VPS13A: variants seen among roughly 807,000 people sequenced by gnomAD.
VPS13A encodes the protein intermembrane lipid transfer protein VPS13A.
VPS13A carries 264 observed loss-of-function variants against 390.9 expected under a neutral mutation model. The ratio of observed to expected loss-of-function variants is 0.68; its 90% confidence interval spans 0.61 to 0.75. VPS13A has a LOEUF of 0.75. VPS13A is among the 30% of genes least tolerant of loss of function. The pLI is 0.00. For missense variants in VPS13A, 3,409 were observed against 3,733.9 expected, an observed-to-expected ratio of 0.91 and a Z score of 2.27; for synonymous variants, 1,231 against 1,227.1, an observed-to-expected ratio of 1.00 and a Z score of -0.07.
rs369933972 is a variant in VPS13A, at chr9:77,314,042, C to T, written c.4165C>T (p.Leu1389=). The T allele has an allele frequency of 1.2e-6, 2 of 1,613,216 alleles. No individual in the cohort carries two copies. Among genetic ancestry groups the T allele is most frequent in the Non-Finnish European group, 1.7e-6 (2 of 1,179,588 alleles). The part of the protein sequence containing the change: ...AVVEVHSRAL[L]VKTTLNISFK... Reference sequence around the variant, plus strand: ...GGTAGAAGTACATTCACGTGCCTTACTAGTTAAGACAACACTAAACATAAG... The same window carrying T: ...GGTAGAAGTACATTCACGTGCCTTATTAGTTAAGACAACACTAAACATAAG... Residue 1389 remains leucine, a synonymous_variant, in exon 36 of 72, where the codon CTA becomes TTA. Coordinates refer to ENST00000360280, the MANE Select transcript of VPS13A (RefSeq NM_033305.3).
chr9:77,332,183 G>A (rs1830311453), intron 46 of VPS13A, 70 bp downstream of exon 46: 2 of 1,231,118 alleles, frequency 1.6e-6, no homozygotes, highest in Non-Finnish European at 2.4e-6. Context: ...ATTTCACATG[G>A]ATAACTTTGA....
Position 77,293,342 on chromosome 9 carries a change from CT to C in VPS13A, c.3342del (p.Val1115PhefsTer28). The C allele has an allele frequency of 1.2e-6, 2 of 1,610,056 alleles. No homozygotes were observed. Reference protein sequence around the residue: ...DSDITAIYKKAVYITGKEVFS... With the variant: ...DSDITAIYKKXVYITGKEVFS... ...ATAATTAAATTTTCTCTTATTAAGG[CT>C]GTTTATATCACTGGAAAAGAAGTTT... is the stretch of plus-strand genomic sequence containing the variant. On this transcript the variant is annotated frameshift_variant and splice_region_variant, in exon 32 of 72. Transcript: ENST00000360280. LOFTEE classifies it high-confidence loss of function.
intron 52 of VPS13A, among the ~76,000 whole-genome samples, chr9:77,350,595 C>T (rs541131308): frequency 6.6e-6 from 1 of 152,148 alleles, no homozygotes; most frequent in African/African-American, 2.4e-5. Context: ...GGTATTGTGC[C>T]ATTGTTTTTT....
At chr9:77,349,409 A>G (rs1831333881) in intron 52 of VPS13A, among the ~76,000 whole-genome samples, 1 of 152,118 alleles carries the variant, frequency 6.6e-6, no homozygotes, top group Admixed American at 6.5e-5. Context: ...TACCCAGGTA[A>G]TAAGCATGAT....
chr9:77,370,858 A>G (rs1258187226), intron 65 of VPS13A, 32 bp from the exon 66 acceptor site: 1 of 1,611,906 alleles, frequency 6.2e-7, no homozygotes, highest in Admixed American at 1.7e-5. Context: ...ATAAAAAAGT[A>G]TTGTAAATTT....
Position 77,360,572 on chromosome 9 carries a change from G to A in VPS13A, c.8142G>A (p.Arg2714=). 1 of 1,612,986 alleles carries A rather than the reference G, an allele frequency of 6.2e-7. No individual in the cohort carries two copies. Among genetic ancestry groups the A allele is most frequent in the Non-Finnish European group, 8.5e-7 (1 of 1,179,392 alleles). ...FKVLIQEMDL[R]LDLGFIYALT... is the part of the protein sequence containing the mutation. The stretch of plus-strand genomic sequence containing the variant: ...TATTGATTCAAGAAATGGATCTCAG[G>A]TTAGATCTTGGGTTTATCTATGCTT... Residue 2714 remains arginine, a synonymous_variant, in exon 59 of 72, where the codon AGG becomes AGA. Coordinates refer to ENST00000360280, the MANE Select transcript of VPS13A (RefSeq NM_033305.3).
At chr9:77,196,263 A>G (rs1421078249) in intron 1 of VPS13A, among the ~76,000 whole-genome samples, 1 of 152,194 alleles carries the variant, frequency 6.6e-6, no homozygotes, top group Non-Finnish European at 1.5e-5. Flanking sequence ...ACATGTATAC[A>G]TTGTATAAAA....
At chr9:77,201,895 A>G (rs1441468004) in intron 3 of VPS13A, among the ~76,000 whole-genome samples, 1 of 152,104 alleles carries the variant, frequency 6.6e-6, no homozygotes. Flanking sequence ...TACTGTTTAT[A>G]TCTTAAATAT....
At chr9:77,291,100 G>C (rs1045586069) in intron 31 of VPS13A, among the ~76,000 whole-genome samples, 1 of 152,174 alleles carries the variant, frequency 6.6e-6, no homozygotes, top group Admixed American at 6.5e-5. Flanking sequence ...CCGGACAGCA[G>C]GAGTTGAGTG....
chr9:77,344,152 G>A lies in VPS13A; in HGVS notation c.7027-1G>A, dbSNP rs764591495. The stretch of plus-strand genomic sequence containing the variant: ...ATAAACATATATAATGTATATTTTA[G>A]TGTATCCCCTTTTGGCCTGAGTATG... On this transcript the variant is annotated splice_acceptor_variant, in intron 50 of 71. Coordinates refer to ENST00000360280, the MANE Select transcript of VPS13A (RefSeq NM_033305.3). LOFTEE classifies it high-confidence loss of function. 5.7e-6 allele frequency: 9 copies of A among 1,587,228 alleles called. No homozygotes were observed. The highest frequency in any genetic ancestry group is 7.8e-6 in the Non-Finnish European group (9 of 1,156,352).
chr9:77,415,530 A>T (rs1222845645), intron 71 of VPS13A, among the ~76,000 whole-genome samples: 3 of 152,172 alleles, frequency 2.0e-5, no homozygotes, highest in Admixed American at 1.3e-4. Context: ...TAGAAAATAT[A>T]TTGTGAGAGC....
At position 77,375,321 on chromosome 9, in the gene VPS13A, A is replaced by C. The variant is rs111929787; in HGVS notation, c.9077+4172A>C. ...CTGAAAGTAAAAGGAGGAATGGGTT[A>C]CAAGATTCAAAGATAAAAATATAAA... is the stretch of plus-strand genomic sequence containing the variant. On this transcript the variant is annotated intron_variant, in intron 67 of 71. Coordinates refer to ENST00000360280, the MANE Select transcript of VPS13A (RefSeq NM_033305.3). 8.1e-4 allele frequency among the ~76,000 whole-genome samples: 124 copies of C among 152,332 alleles called. 3 individuals are homozygous for C. Among genetic ancestry groups the C allele is most frequent in the Non-Finnish European group, 1.7e-3 (114 of 68,018 alleles).
At position 77,408,824 on chromosome 9, in the gene VPS13A, C is replaced by G. The variant is rs1287535960; in HGVS notation, c.9474+1217C>G. On this transcript the variant is annotated intron_variant, in intron 71 of 71. Coordinates refer to ENST00000360280, the MANE Select transcript of VPS13A (RefSeq NM_033305.3). Reference sequence around the variant, plus strand: ...AGCTCGAACTGGGTGGAGCCCACCACAGCTCAAGGAGGCCTGCCTGCCTCT... The same window carrying G: ...AGCTCGAACTGGGTGGAGCCCACCAGAGCTCAAGGAGGCCTGCCTGCCTCT... Among the ~76,000 whole-genome samples, 6 of 152,226 alleles carry G rather than the reference C, an allele frequency of 3.9e-5. 1 individual carries two copies. The highest frequency in any genetic ancestry group is 1.4e-4 in the African/African-American group (6 of 41,462).
At chr9:77,358,864 C>T (rs949200163) in intron 57 of VPS13A, among the ~76,000 whole-genome samples, 1 of 152,062 alleles carries the variant, frequency 6.6e-6, no homozygotes, top group African/African-American at 2.4e-5. Context: ...TCCTGCATAT[C>T]CCTCTTCCCC....
At chr9:77,261,619 CTT>C (rs575422799) in intron 23 of VPS13A, among the ~76,000 whole-genome samples, 2 of 150,456 alleles carry the variant, frequency 1.3e-5, no homozygotes, top group Non-Finnish European at 3.0e-5. Flanking sequence ...AAGTCTCCCT[CTT>C]TTGCTCGGGC....
At chr9:77,276,508 A>G (rs530431286) in intron 26 of VPS13A, among the ~76,000 whole-genome samples, 1 of 152,226 alleles carries the variant, frequency 6.6e-6, no homozygotes, top group Non-Finnish European at 1.5e-5. Context: ...TATTGTTGCT[A>G]TAACAATTTA....
chr9:77,246,775 G>C (rs1034299724), intron 19 of VPS13A, among the ~76,000 whole-genome samples: 4 of 152,058 alleles, frequency 2.6e-5, no homozygotes, highest in Admixed American at 2.6e-4. Context: ...GGAAAACTCT[G>C]GTTTGTTGCC....
chr9:77,195,892 T>A (rs1824971672), intron 1 of VPS13A, among the ~76,000 whole-genome samples: 1 of 152,158 alleles, frequency 6.6e-6, no homozygotes, highest in Non-Finnish European at 1.5e-5. Flanking sequence ...AGGAATAAAT[T>A]TAGGTGGTGA....
chr9:77,270,635 G>T (rs1479109715), intron 23 of VPS13A, among the ~76,000 whole-genome samples: 2 of 152,134 alleles, frequency 1.3e-5, no homozygotes, highest in Admixed American at 6.5e-5. Context: ...AGGTTGCAGT[G>T]AGCCGAGATT....
Sources: allele counts gnomAD v4.1 joint callset (sites outside exome capture counted in the v4.1 genomes callset), GRCh38; gene constraint gnomAD v4.1.1; transcripts MANE v1.5; gene names NCBI Gene and HGNC (gene_info 2026-07-23, HGNC 2026-07-21).